CCDC192: variants seen among roughly 807,000 people sequenced by gnomAD.
CCDC192 encodes coiled-coil domain containing 192.
At chr5:127,714,493 A>G (rs1019529761) in intron 2 of CCDC192, among the ~76,000 whole-genome samples, 1 of 152,074 alleles carries the variant, frequency 6.6e-6, no homozygotes. Context: ...GATTCAAGTG[A>G]TTCTCCTGCC....
At chr5:127,836,578 T>C (rs1254497389) in intron 5 of CCDC192, among the ~76,000 whole-genome samples, 1 of 152,216 alleles carries the variant, frequency 6.6e-6, no homozygotes, top group African/African-American at 2.4e-5. Flanking sequence ...GGCATTTTCA[T>C]ACCTCCTCTG....
At chr5:127,703,220 C>T (rs1750778184), upstream of CCDC192, among the ~76,000 whole-genome samples, 1 of 152,200 alleles carries the variant, frequency 6.6e-6, no homozygotes, top group Non-Finnish European at 1.5e-5. Context: ...GGTGATTCTT[C>T]ACCTATTCTC....
At chr5:127,882,646 T>C (rs1024890310) in intron 6 of CCDC192, among the ~76,000 whole-genome samples, 2 of 152,192 alleles carry the variant, frequency 1.3e-5, no homozygotes, top group African/African-American at 2.4e-5. Context: ...AAAAAAACAG[T>C]GATTAAAGCA....
At chr5:127,908,091 C>G (rs535995009) in intron 6 of CCDC192, among the ~76,000 whole-genome samples, 4 of 152,296 alleles carry the variant, frequency 2.6e-5, no homozygotes, top group African/African-American at 9.6e-5. Context: ...CATTATCGTG[C>G]TCACCTGTAG....
intron 3 of CCDC192, among the ~76,000 whole-genome samples, chr5:127,761,091 C>G (rs1029588544): frequency 2.6e-5 from 4 of 152,220 alleles, no homozygotes; most frequent in African/African-American, 9.6e-5. Flanking sequence ...CAAGCCCATT[C>G]TGGCTTATTG....
At chr5:127,790,877 A>C (rs375426721) in intron 3 of CCDC192, among the ~76,000 whole-genome samples, 7 of 152,240 alleles carry the variant, frequency 4.6e-5, no homozygotes, top group East Asian at 1.9e-4. Context: ...TTATTAATAA[A>C]AACTGCTTGT....
intron 3 of CCDC192, among the ~76,000 whole-genome samples, chr5:127,789,343 T>C (rs1561489412): frequency 2.0e-5 from 3 of 152,132 alleles, no homozygotes; most frequent in African/African-American, 4.8e-5. Flanking sequence ...TAAATAATCA[T>C]GAGCAGAATA....
At chr5:127,886,024 G>GA (rs1376214237) in intron 6 of CCDC192, among the ~76,000 whole-genome samples, 1 of 152,144 alleles carries the variant, frequency 6.6e-6, no homozygotes, top group Non-Finnish European at 1.5e-5. Context: ...TTGGATCCCA[G>GA]AAAAAGTGTA....
chr5:127,733,942 A>G (rs1001857805), intron 2 of CCDC192, among the ~76,000 whole-genome samples: 1 of 143,664 alleles, frequency 7.0e-6, no homozygotes, highest in African/African-American at 2.6e-5. Context: ...TTTTTTTATT[A>G]TACTTTAAGT....
chr5:127,861,498 T>C (rs912610082), intron 5 of CCDC192, among the ~76,000 whole-genome samples: 1 of 150,696 alleles, frequency 6.6e-6, no homozygotes, highest in African/African-American at 2.4e-5. Flanking sequence ...TTACTGAAAA[T>C]ACAAAAATTA....
At chr5:127,744,399 T>C (rs1753620213) in intron 2 of CCDC192, among the ~76,000 whole-genome samples, 1 of 151,982 alleles carries the variant, frequency 6.6e-6, no homozygotes, top group Admixed American at 6.6e-5. Context: ...CAGTAATGAA[T>C]AGATATCAAA....
At chr5:127,937,672 TC>T (rs1267328446) in intron 6 of CCDC192, among the ~76,000 whole-genome samples, 1 of 152,208 alleles carries the variant, frequency 6.6e-6, no homozygotes, top group African/African-American at 2.4e-5. Flanking sequence ...GCTTCTCCTC[TC>T]ATTTTCTTTC....
At chr5:127,785,010 T>C in intron 3 of CCDC192, 1 of 475,364 alleles carries the variant, frequency 2.1e-6, no homozygotes, top group East Asian at 5.6e-5. Context: ...ACTTCAACTT[T>C]AATAAAATCT....
At chr5:127,730,923 C>G (rs1465022187) in intron 2 of CCDC192, among the ~76,000 whole-genome samples, 2 of 151,858 alleles carry the variant, frequency 1.3e-5, no homozygotes, top group African/African-American at 4.8e-5. Flanking sequence ...ACTGAATGGG[C>G]AAAAGCTAGA....
chr5:127,752,833 C>T (rs956585211), intron 2 of CCDC192, among the ~76,000 whole-genome samples: 10 of 152,160 alleles, frequency 6.6e-5, no homozygotes, highest in Admixed American at 2.6e-4. Flanking sequence ...TTTTTTAAGC[C>T]GGTTGGAAAA....
At chr5:127,923,919 A>C (rs1196330627) in intron 6 of CCDC192, among the ~76,000 whole-genome samples, 1 of 152,244 alleles carries the variant, frequency 6.6e-6, no homozygotes, top group Non-Finnish European at 1.5e-5. Flanking sequence ...AAAGAATCCC[A>C]GAGAAGCCAA....
intron 5 of CCDC192, among the ~76,000 whole-genome samples, chr5:127,850,143 C>G (rs915699645): frequency 6.6e-6 from 1 of 152,162 alleles, no homozygotes; most frequent in Non-Finnish European, 1.5e-5. Flanking sequence ...CATGTGGTTT[C>G]ATGATCACAC....
chr5:127,767,285 A>G (rs1432435799), intron 3 of CCDC192, among the ~76,000 whole-genome samples: 1 of 152,190 alleles, frequency 6.6e-6, no homozygotes, highest in Non-Finnish European at 1.5e-5. Context: ...GAGAAAGGGC[A>G]TTGCCAGTGC....
At position 127,747,568 on chromosome 5, in the gene CCDC192, C is replaced by T. The variant is rs1023645919; in HGVS notation, c.115-6700C>T. On this transcript the variant is annotated intron_variant, in intron 2 of 6. Transcript: ENST00000514853. ...TGTGAATAATGCCGCAATAAACATA[C>T]GTGTGCATGTGTCTTTATAGCAGCA... Among the ~76,000 whole-genome samples the T allele has an allele frequency of 9.2e-5, 14 of 151,774 alleles. No individual in the cohort carries two copies. In the East Asian group the frequency reaches 1.4e-3, roughly 15 times the overall value.
Sources: gnomAD v4.1 joint callset for allele counts (sites outside exome capture counted in the v4.1 genomes callset) on GRCh38, gnomAD v4.1.1 for gene constraint, MANE v1.5 for transcripts, NCBI Gene and HGNC (gene_info 2026-07-23, HGNC 2026-07-21) for gene names.